Variants in RAD51B observed in about 807,000 individuals in gnomAD.
RAD51B encodes RAD51 paralog B.
RAD51B carries 38 observed loss-of-function variants against 42.2 expected under a neutral mutation model. That is an observed-to-expected ratio of 0.90 (90% CI 0.70 to 1.18). The LOEUF is 1.18. RAD51B is among the 50% of genes most tolerant of loss of function. RAD51B has a pLI of 0.00. For missense variants in RAD51B, 373 were observed against 400.7 expected (o/e 0.93, Z 0.59); for synonymous variants, 154 against 145.2 (o/e 1.06, Z -0.43).
chr14:67,939,380 T>G (rs1295286261), intron 7 of RAD51B, among the ~76,000 whole-genome samples: 1 of 152,188 alleles, frequency 6.6e-6, no homozygotes, highest in Non-Finnish European at 1.5e-5. Context: ...GATCCTTGCA[T>G]AAACTAGATA....
At position 68,187,721 on chromosome 14, in the gene RAD51B, T is replaced by A. The variant is rs183247461; in HGVS notation, c.757-104163T>A. Among the ~76,000 whole-genome samples the A allele has an allele frequency of 2.3e-3, 343 of 152,350 alleles. 2 individuals carry two copies. Among genetic ancestry groups the A allele is most frequent in the Non-Finnish European group, 4.0e-3 (271 of 68,028 alleles). ...ATGCGTATATTAACATATTTAGTAT[T>A]CATTTGCTTCACAAAGAATGTGTTT... On this transcript the variant is annotated intron_variant, in intron 7 of 10. Transcript: ENST00000471583.
intron 7 of RAD51B, among the ~76,000 whole-genome samples, chr14:68,211,413 A>G (rs2079705245): frequency 6.6e-6 from 1 of 152,156 alleles, no homozygotes; most frequent in African/African-American, 2.4e-5. Context: ...TTTTTGTACC[A>G]CCTTCACTAT....
chr14:68,329,374 C>A (rs2082304781), intron 8 of RAD51B, among the ~76,000 whole-genome samples: 1 of 152,192 alleles, frequency 6.6e-6, no homozygotes, highest in Admixed American at 6.5e-5. Flanking sequence ...AATACCAGCA[C>A]ATCTGAGAAT....
intron 10 of RAD51B, among the ~76,000 whole-genome samples, chr14:68,648,674 AACACACACACACAC>A (rs35200852): frequency 1.6e-4 from 23 of 143,718 alleles, no homozygotes; most frequent in South Asian, 6.9e-4. Context: ...AAAGCACACA[AACACACACACACAC>A]ACACACACAC....
At chr14:67,994,255 C>T (rs1326246249) in intron 7 of RAD51B, among the ~76,000 whole-genome samples, 1 of 151,476 alleles carries the variant, frequency 6.6e-6, no homozygotes, top group Admixed American at 6.6e-5. Flanking sequence ...ATTTTTTTCT[C>T]TTAGATAAAT....
intron 7 of RAD51B, among the ~76,000 whole-genome samples, chr14:68,150,533 T>G (rs1170521464): frequency 6.6e-6 from 1 of 152,242 alleles, no homozygotes; most frequent in Admixed American, 6.5e-5. Context: ...TGTACATATT[T>G]TGTTTGGTTT....
intron 7 of RAD51B, among the ~76,000 whole-genome samples, chr14:68,288,501 T>C (rs1300607219): frequency 6.6e-6 from 1 of 152,230 alleles, no homozygotes; most frequent in Non-Finnish European, 1.5e-5. Context: ...GTGGAAATGA[T>C]GCTGGGTATC....
chr14:68,485,181 A>G (rs1594900834), intron 10 of RAD51B, among the ~76,000 whole-genome samples: 1 of 152,146 alleles, frequency 6.6e-6, no homozygotes, highest in South Asian at 2.1e-4. Flanking sequence ...TACACCCTCT[A>G]ACTGGACTAC....
At chr14:68,058,512 T>C (rs1464651331) in intron 7 of RAD51B, among the ~76,000 whole-genome samples, 2 of 152,214 alleles carry the variant, frequency 1.3e-5, no homozygotes, top group African/African-American at 4.8e-5. Context: ...CAAGCATGTG[T>C]AGGCATATCT....
chr14:68,301,965 A>T (rs2081750206), intron 8 of RAD51B, among the ~76,000 whole-genome samples: 1 of 152,218 alleles, frequency 6.6e-6, no homozygotes, highest in Non-Finnish European at 1.5e-5. Flanking sequence ...ACATCTTAGA[A>T]AAGTGCTTGA....
At chr14:68,064,220 G>A (rs745962651) in intron 7 of RAD51B, among the ~76,000 whole-genome samples, 3 of 152,048 alleles carry the variant, frequency 2.0e-5, no homozygotes, top group African/African-American at 7.2e-5. Context: ...AGCTTTGATC[G>A]GTATAGTATT....
chr14:68,681,793 C>G (rs1595061515), intron 11 of RAD51B, among the ~76,000 whole-genome samples: 1 of 152,316 alleles, frequency 6.6e-6, no homozygotes, highest in Non-Finnish European at 1.5e-5. Flanking sequence ...TGTGAGCCAG[C>G]CCTTTGCATG....
At chr14:67,846,662 C>T (rs1053837468) in intron 4 of RAD51B, among the ~76,000 whole-genome samples, 6 of 152,186 alleles carry the variant, frequency 3.9e-5, no homozygotes, top group Non-Finnish European at 7.4e-5. Context: ...GTTGGGCATC[C>T]GAGGGTACAC....
intron 7 of RAD51B, among the ~76,000 whole-genome samples, chr14:68,246,194 A>G (rs1046684362): frequency 3.3e-5 from 5 of 152,126 alleles, no homozygotes; most frequent in Admixed American, 6.5e-5. Flanking sequence ...AAAAGAATTC[A>G]GCACCATTCC....
chr14:67,829,281 C>T (rs1482817682), intron 3 of RAD51B, among the ~76,000 whole-genome samples: 2 of 150,230 alleles, frequency 1.3e-5, no homozygotes, highest in African/African-American at 4.9e-5. Context: ...CTTGCTCTGT[C>T]GCCGAGGCTG....
Position 68,621,426 on chromosome 14 carries a change from T to C in RAD51B, c.1037-29355T>C, listed in dbSNP as rs142178086. Among the ~76,000 whole-genome samples the C allele has an allele frequency of 1.4e-3, 216 of 152,342 alleles. 1 individual carries two copies. The highest frequency in any genetic ancestry group is 4.9e-3 in the African/African-American group (204 of 41,572). ...TCTTAAGTTCCTTTTTTCTCTCCTT[T>C]TCCTTTCTCCACTGTCTATGCTTTA... On this transcript the variant is annotated intron_variant, in intron 10 of 11. Transcript: ENST00000488612.
At chr14:68,326,832 C>G (rs1299887367) in intron 8 of RAD51B, among the ~76,000 whole-genome samples, 1 of 152,114 alleles carries the variant, frequency 6.6e-6, no homozygotes, top group African/African-American at 2.4e-5. Flanking sequence ...ATTAGTGCCC[C>G]TAGATTGAGA....
chr14:67,916,261 T>A (rs2044145968), intron 7 of RAD51B, among the ~76,000 whole-genome samples: 1 of 150,156 alleles, frequency 6.7e-6, no homozygotes, highest in Non-Finnish European at 1.5e-5. Flanking sequence ...TTAAATTTAC[T>A]TAAAGTATTT....
At chr14:68,143,037 T>G (rs111905316) in intron 7 of RAD51B, among the ~76,000 whole-genome samples, 1 of 151,530 alleles carries the variant, frequency 6.6e-6, no homozygotes, top group Non-Finnish European at 1.5e-5. Context: ...GGAGTTATTA[T>G]GCTGTCTGAG....
Sources: allele counts gnomAD v4.1 joint callset (sites outside exome capture counted in the v4.1 genomes callset), GRCh38; gene constraint gnomAD v4.1.1; transcripts MANE v1.5; gene names NCBI Gene and HGNC (gene_info 2026-07-23, HGNC 2026-07-21).